The following SLC4A5 variants were observed in gnomAD, a reference collection of about 807,000 sequenced individuals.
SLC4A5 encodes the protein electrogenic sodium bicarbonate cotransporter 4.
A neutral mutation model predicts 120.4 loss-of-function variants in SLC4A5; 96 were observed. The ratio of observed to expected loss-of-function variants is 0.80; its 90% confidence interval spans 0.68 to 0.94. The LOEUF (loss-of-function observed/expected upper bound fraction) is 0.94. Among genes scored for constraint, SLC4A5 ranks in the 40% least tolerant of loss-of-function variants. SLC4A5 has a pLI of 0.00. For missense variants in SLC4A5, 1,259 were observed against 1,459.5 expected (o/e 0.86, Z 2.24); for synonymous variants, 550 against 571.1 (o/e 0.96, Z 0.53).
At chr2:74,307,414 T>C in intron 6 of SLC4A5, 1 of 642,766 alleles carries the variant, frequency 1.6e-6, no homozygotes, top group Middle Eastern at 4.6e-4. Context: ...TCGATCTCTG[T>C]CTCCAGCTAC....
At position 74,255,910 on chromosome 2, in the gene SLC4A5, T is replaced by A. The variant is rs1250702066; in HGVS notation, c.890A>T (p.Lys297Met). The A allele has an allele frequency of 1.2e-6, 2 of 1,613,772 alleles. No individual in the cohort carries two copies. The highest frequency in any genetic ancestry group is 2.7e-5 in the African/African-American group (2 of 74,924). The change falls in exon 13 of 31, where the codon AAG (lysine) becomes ATG (methionine). Residue 297 changes from lysine (K) to methionine (M), a missense_variant. Coordinates refer to ENST00000394019, the Ensembl canonical transcript of SLC4A5. This position sits in a 1 kb window ranked among gnomAD's most constrained non-coding sequence, Gnocchi z 4.0. ...GGACGCTTCTGAGTCCTTGGGGATC[T>A]TCTTCATGAATTTGTTTTTCCGCTG...
At chr2:74,339,753 C>A (rs1673583502) in intron 2 of SLC4A5, 1 of 152,230 alleles carries the variant, frequency 6.6e-6, no homozygotes. Context: ...TCCCAATGTG[C>A]ATATCAGCAT....
exon 23 of SLC4A5, chr2:74,233,547 C>T (rs368602224): frequency 5.6e-6 from 9 of 1,613,294 alleles, no homozygotes; most frequent in Middle Eastern, 1.7e-4. Flanking sequence ...GAACCAGCCT[C>T]GGTCAGGCCG....
At chr2:74,249,536 C>T (rs1670725452) in intron 17 of SLC4A5, among the ~76,000 whole-genome samples, 1 of 152,078 alleles carries the variant, frequency 6.6e-6, no homozygotes, top group African/African-American at 2.4e-5. Flanking sequence ...GGCGTGAGAG[C>T]CAGGTAGGGC....
intron 20 of SLC4A5, among the ~76,000 whole-genome samples, chr2:74,241,528 G>A (rs942210763): frequency 1.3e-5 from 2 of 151,942 alleles, no homozygotes; most frequent in Non-Finnish European, 1.5e-5. Context: ...ATCACTTGAA[G>A]TCAGGAGTTC....
At chr2:74,321,474 A>G (rs1673096186) in intron 5 of SLC4A5, among the ~76,000 whole-genome samples, 1 of 152,208 alleles carries the variant, frequency 6.6e-6, no homozygotes, top group Non-Finnish European at 1.5e-5. Context: ...AATTTCAGAT[A>G]ACAACAAATA....
chr2:74,223,080 CT>C (rs1694713906), intron 28 of SLC4A5, 128 bp from the exon 29 acceptor site: 1 of 542,404 alleles, frequency 1.8e-6, no homozygotes, highest in South Asian at 2.1e-5. Flanking sequence ...TCTCGGCTCA[CT>C]GTAACCTCTG....
At chr2:74,232,794 G>T in intron 23 of SLC4A5, 147 bp from the exon 24 acceptor site, 1 of 990,572 alleles carries the variant, frequency 1.0e-6, no homozygotes, top group Non-Finnish European at 1.5e-6. Flanking sequence ...GGATTGCAGA[G>T]GTGGGTGTGT....
At chr2:74,337,744 C>T (rs1480594666) in intron 3 of SLC4A5, among the ~76,000 whole-genome samples, 2 of 152,210 alleles carry the variant, frequency 1.3e-5, no homozygotes, top group African/African-American at 4.8e-5. Flanking sequence ...TAAGATTGAG[C>T]TTGAATTTGC....
At chr2:74,242,010 T>C in exon 20 of SLC4A5, 5 of 1,606,268 alleles carry the variant, frequency 3.1e-6, no homozygotes, top group Non-Finnish European at 4.3e-6. Flanking sequence ...AGCGTTGGTG[T>C]CTGGTGCCAA....
chr2:74,232,609 G>T (rs1349379643), exon 24 of SLC4A5: 3 of 1,613,878 alleles, frequency 1.9e-6, no homozygotes, highest in Non-Finnish European at 8.5e-7. Flanking sequence ...CCATGAGGAT[G>T]CCCACCCAGA....
intron 2 of SLC4A5, among the ~76,000 whole-genome samples, chr2:74,341,697 C>T (rs1573120959): frequency 6.6e-6 from 1 of 152,304 alleles, no homozygotes; most frequent in Non-Finnish European, 1.5e-5. Flanking sequence ...TGAATTGACT[C>T]TTCCTAAAAA....
intron 7 of SLC4A5, chr2:74,290,787 A>T: frequency 1.0e-6 from 1 of 987,006 alleles, no homozygotes; most frequent in Non-Finnish European, 1.2e-6. Flanking sequence ...GTGGCAGCTG[A>T]GGACCTGTGA....
intron 7 of SLC4A5, among the ~76,000 whole-genome samples, chr2:74,301,004 A>G (rs1672463285): frequency 6.6e-6 from 1 of 152,084 alleles, no homozygotes; most frequent in South Asian, 2.1e-4. Context: ...GTATTTTTTA[A>G]CCAGGTACAC....
intron 7 of SLC4A5, among the ~76,000 whole-genome samples, chr2:74,301,497 C>T (rs924893445): frequency 6.6e-6 from 1 of 152,186 alleles, no homozygotes; most frequent in African/African-American, 2.4e-5. Context: ...CCAGCTGGGC[C>T]CCCTGCCTAG....
intron 28 of SLC4A5, 46 bp from the exon 29 acceptor site, chr2:74,222,998 T>C (rs6745054): frequency 0.16 from 214,813 of 1,356,192 alleles, 30,310 homozygotes; most frequent in African/African-American, 0.6. Context: ...AACACAACAA[T>C]TTGGCTTTCT....
At position 74,228,758 on chromosome 2, in the gene SLC4A5, A is replaced by G. The variant is rs929415194; in HGVS notation, c.2848-880T>C. Among the ~76,000 whole-genome samples, 4 of 151,826 alleles carry G rather than the reference A, an allele frequency of 2.6e-5. No individual in the cohort carries two copies. The Admixed American group carries it at 2.6e-4, about 10-fold the overall frequency. ...AAAGTGTGTAAACTAATCAGCACTCATCACCAACTAACCACCAATAGTTTG... is the reference window on the plus strand; with the variant it reads ...AAAGTGTGTAAACTAATCAGCACTCGTCACCAACTAACCACCAATAGTTTG... On this transcript the variant is annotated intron_variant, in intron 25 of 30. Transcript: ENST00000394019.
rs779728476 is a variant in SLC4A5, at chr2:74,265,301, C to T, written c.402-37G>A. 52 of 1,600,342 alleles carry T rather than the reference C, an allele frequency of 3.2e-5. 1 individual carries two copies. The South Asian group carries it at 3.9e-4, about 12-fold the overall frequency. ...AGGATGGGGCTCAGTGTGGCCAGGG[C>T]CCTCAGGAGGAGGCCTCACCTGGGT... On this transcript the variant is annotated intron_variant, in intron 8 of 30. Coordinates refer to ENST00000394019, the Ensembl canonical transcript of SLC4A5.
At chr2:74,235,569 A>T (rs1173740768) in intron 21 of SLC4A5, among the ~76,000 whole-genome samples, 1 of 152,168 alleles carries the variant, frequency 6.6e-6, no homozygotes, top group Non-Finnish European at 1.5e-5. Context: ...TTCTGGTATG[A>T]CAGTCTGAAC....
Sources: allele counts gnomAD v4.1 joint callset (sites outside exome capture counted in the v4.1 genomes callset), GRCh38; gene constraint gnomAD v4.1.1; non-coding constraint Gnocchi (gnomAD v3.1); transcripts MANE v1.5; gene names NCBI Gene and HGNC (gene_info 2026-07-23, HGNC 2026-07-21).